Variants in HCN1 observed in about 807,000 individuals in gnomAD.
HCN1 encodes potassium/sodium hyperpolarization-activated cyclic nucleotide-gated channel 1.
Under a neutral mutation model 78.9 loss-of-function variants are expected in HCN1, and 13 were observed. That is an observed-to-expected ratio of 0.16 (90% CI 0.11 to 0.26). The LOEUF is 0.26. Ranked by LOEUF, HCN1 falls within the 10% of genes least tolerant of loss-of-function variation. The pLI is 1.00. For missense variants in HCN1, 810 were observed against 1,154.3 expected (o/e 0.70, Z 4.32); for synonymous variants, 552 against 455.5 (o/e 1.21, Z -2.70).
intron 1 of HCN1, among the ~76,000 whole-genome samples, chr5:45,694,703 G>C (rs1739972120): frequency 6.6e-6 from 1 of 152,184 alleles, no homozygotes; most frequent in African/African-American, 2.4e-5. Context: ...TTGTTCAGGA[G>C]CTAAGATAAT....
At position 45,280,316 on chromosome 5, in the gene HCN1, A is replaced by G. The variant is rs1052373909; in HGVS notation, c.1619-13063T>C. The stretch of plus-strand genomic sequence containing the variant: ...TCAAGTGAGAATGAAGGAAGACTTG[A>G]AAGAATCTCAGAAGAAAAACAAAAT... On this transcript the variant is annotated intron_variant, in intron 6 of 7. Coordinates refer to ENST00000303230, the MANE Select transcript of HCN1 (RefSeq NM_021072.4). 2.6e-5 allele frequency among the ~76,000 whole-genome samples: 4 copies of G among 152,332 alleles called. No homozygotes were observed. The South Asian group carries it at 6.2e-4, about 24-fold the overall frequency.
chr5:45,323,102 C>CA (rs1383336488), intron 5 of HCN1, among the ~76,000 whole-genome samples: 2 of 151,810 alleles, frequency 1.3e-5, no homozygotes, highest in African/African-American at 4.8e-5. Flanking sequence ...GACACTTGGA[C>CA]AGGTGGATAT....
chr5:45,347,399 A>C (rs1386011908), intron 5 of HCN1, among the ~76,000 whole-genome samples: 17 of 152,208 alleles, frequency 1.1e-4, no homozygotes. Context: ...AAAGTCGATA[A>C]AACCACAAAG....
At chr5:45,394,780 C>T (rs1404814575) in intron 4 of HCN1, among the ~76,000 whole-genome samples, 2 of 151,926 alleles carry the variant, frequency 1.3e-5, no homozygotes, top group East Asian at 3.9e-4. Flanking sequence ...TGCACCACTG[C>T]ACTCCAGCCT....
At chr5:45,448,786 A>T (rs567639862) in intron 3 of HCN1, among the ~76,000 whole-genome samples, 1 of 152,310 alleles carries the variant, frequency 6.6e-6, no homozygotes, top group Non-Finnish European at 1.5e-5. Flanking sequence ...ACAACTATTA[A>T]TAATAGCTTT....
At chr5:45,318,549 A>G (rs1418093840) in intron 5 of HCN1, among the ~76,000 whole-genome samples, 2 of 151,906 alleles carry the variant, frequency 1.3e-5, no homozygotes, top group African/African-American at 4.8e-5. Flanking sequence ...GTACCCTAGA[A>G]CTTGTATAAT....
intron 2 of HCN1, among the ~76,000 whole-genome samples, chr5:45,619,902 T>A (rs1407701172): frequency 6.6e-6 from 1 of 152,084 alleles, no homozygotes; most frequent in Non-Finnish European, 1.5e-5. Context: ...TTTCTTCTAA[T>A]GAACAGAGTA....
chr5:45,287,822 G>A (rs1745298245), intron 6 of HCN1, among the ~76,000 whole-genome samples: 1 of 151,922 alleles, frequency 6.6e-6, no homozygotes, highest in Non-Finnish European at 1.5e-5. Context: ...CACTTGACAC[G>A]AGCCCTGAAT....
At chr5:45,424,737 G>T (rs539247200) in intron 3 of HCN1, among the ~76,000 whole-genome samples, 5 of 152,124 alleles carry the variant, frequency 3.3e-5, no homozygotes, top group African/African-American at 1.2e-4. Context: ...ATACAGAGTT[G>T]CAGTCTTAGT....
chr5:45,500,119 G>A (rs1409023012), intron 2 of HCN1, among the ~76,000 whole-genome samples: 1 of 151,824 alleles, frequency 6.6e-6, no homozygotes, highest in Admixed American at 6.6e-5. Flanking sequence ...ATGTTTCCAG[G>A]GACAACAATA....
At chr5:45,596,775 G>C (rs2111955994) in intron 2 of HCN1, among the ~76,000 whole-genome samples, 1 of 152,200 alleles carries the variant, frequency 6.6e-6, no homozygotes, top group Non-Finnish European at 1.5e-5. Flanking sequence ...ATTTACATCA[G>C]AATTACATAC....
chr5:45,531,138 C>T (rs1742838666), intron 2 of HCN1, among the ~76,000 whole-genome samples: 1 of 151,980 alleles, frequency 6.6e-6, no homozygotes, highest in Non-Finnish European at 1.5e-5. Context: ...TGTATCATTA[C>T]TTCTACTCCA....
rs1554022673 is a variant in HCN1 at position 45,396,510 on chromosome 5, C to T, written c.1212G>A (p.Arg404=). ...TALIQSLDSS[R]RQYQEKYKQV... ...AAATTACCTTCTCTTGATACTGCCG[C>T]CTCGAAGAATCCAGAGACTGGATTA... The change falls in exon 4 of 8, where the codon AGG becomes AGA. Residue 404 remains arginine (R), a synonymous_variant. Coordinates refer to ENST00000303230, the MANE Select transcript of HCN1 (RefSeq NM_021072.4). The T allele has an allele frequency of 6.2e-7, 1 of 1,613,470 alleles. No homozygotes were observed. The highest frequency in any genetic ancestry group is 1.7e-5 in the Admixed American group (1 of 59,956).
intron 1 of HCN1, among the ~76,000 whole-genome samples, chr5:45,680,092 A>T (rs1408252358): frequency 6.6e-6 from 1 of 152,164 alleles, no homozygotes; most frequent in East Asian, 1.9e-4. Flanking sequence ...TTGTTGATAC[A>T]GAAGGAATAT....
chr5:45,349,688 G>T (rs949444200), intron 5 of HCN1, among the ~76,000 whole-genome samples: 7 of 151,596 alleles, frequency 4.6e-5, no homozygotes, highest in Non-Finnish European at 8.8e-5. Flanking sequence ...ATGATAAAGG[G>T]GATATCACCA....
At chr5:45,552,096 A>G (rs1471565434) in intron 2 of HCN1, among the ~76,000 whole-genome samples, 2 of 152,038 alleles carry the variant, frequency 1.3e-5, no homozygotes, top group African/African-American at 4.8e-5. Context: ...ATAGTGGTTA[A>G]CACAAGCAGA....
chr5:45,610,588 A>G (rs1192089799), intron 2 of HCN1, among the ~76,000 whole-genome samples: 1 of 149,814 alleles, frequency 6.7e-6, no homozygotes, highest in Non-Finnish European at 1.5e-5. Context: ...TAATATATAT[A>G]TTCAAATGCC....
intron 3 of HCN1, among the ~76,000 whole-genome samples, chr5:45,436,830 A>C (rs1357121067): frequency 6.6e-6 from 1 of 152,212 alleles, no homozygotes; most frequent in Non-Finnish European, 1.5e-5. Context: ...GTTGGAATAA[A>C]GAATTCCAAG....
At chr5:45,590,320 A>C (rs1003905870) in intron 2 of HCN1, among the ~76,000 whole-genome samples, 5 of 152,182 alleles carry the variant, frequency 3.3e-5, no homozygotes, top group African/African-American at 1.2e-4. Context: ...ATTTAGGTTC[A>C]TAGCAATATT....
Sources: gnomAD v4.1 joint callset for allele counts (sites outside exome capture counted in the v4.1 genomes callset) on GRCh38, gnomAD v4.1.1 for gene constraint, MANE v1.5 for transcripts, NCBI Gene and HGNC (gene_info 2026-07-23, HGNC 2026-07-21) for gene names.